The following ROR1 variants were observed in gnomAD, a reference collection of about 807,000 sequenced individuals.
ROR1 encodes ROR family WNT receptor 1, also known as inactive tyrosine-protein kinase transmembrane receptor ROR1.
Under a neutral mutation model 78.8 loss-of-function variants are expected in ROR1, and 19 were observed. The observed-to-expected ratio is 0.24, with a 90% CI of 0.17 to 0.35. The LOEUF is 0.35. Among genes scored for constraint, ROR1 ranks in the 10% least tolerant of loss-of-function variants. The probability of loss-of-function intolerance (pLI) is 1.00; values close to 1 mark genes in which losing one functional copy is unlikely to be tolerated. For synonymous variants in ROR1, 386 were observed against 433.6 expected (o/e 0.89, Z 1.36); for missense variants, 917 against 1,177.8 (o/e 0.78, Z 3.24).
chr1:63,911,540 T>C (rs768451504), intron 1 of ROR1, among the ~76,000 whole-genome samples: 41 of 152,104 alleles, frequency 2.7e-4, no homozygotes, highest in African/African-American at 9.4e-4. Context: ...ATCTAACTAA[T>C]GCCTGATGAT....
At chr1:63,812,529 A>G (rs369268743) in intron 1 of ROR1, among the ~76,000 whole-genome samples, 13 of 151,656 alleles carry the variant, frequency 8.6e-5, no homozygotes, top group Admixed American at 3.9e-4. Context: ...TGAATGAATG[A>G]ATGGATGAAT....
At chr1:63,787,075 G>C (rs779125047) in intron 1 of ROR1, among the ~76,000 whole-genome samples, 11 of 152,170 alleles carry the variant, frequency 7.2e-5, no homozygotes, top group Admixed American at 3.3e-4. Flanking sequence ...TGCCTATCTT[G>C]AAGCCTCCAG....
At chr1:63,929,613 A>G (rs1286206877) in intron 1 of ROR1, among the ~76,000 whole-genome samples, 1 of 152,228 alleles carries the variant, frequency 6.6e-6, no homozygotes, top group African/African-American at 2.4e-5. Flanking sequence ...TTGGGGATGC[A>G]GTGTATGCTT....
chr1:63,935,374 G>A (rs1261388791), intron 1 of ROR1, among the ~76,000 whole-genome samples: 1 of 152,208 alleles, frequency 6.6e-6, no homozygotes, highest in Non-Finnish European at 1.5e-5. Flanking sequence ...AGAGGGCACA[G>A]CCTGTGCCAA....
chr1:64,157,279 A>G (rs2100727967), intron 7 of ROR1, among the ~76,000 whole-genome samples: 1 of 152,236 alleles, frequency 6.6e-6, no homozygotes. Flanking sequence ...CCAGGACTAC[A>G]GACATGCACC....
chr1:63,822,922 T>C (rs918786627), intron 1 of ROR1, among the ~76,000 whole-genome samples: 3 of 152,208 alleles, frequency 2.0e-5, no homozygotes, highest in Non-Finnish European at 4.4e-5. Flanking sequence ...TACACAATCA[T>C]TGTGGCTACC....
chr1:63,863,213 G>T (rs759490391), intron 1 of ROR1, among the ~76,000 whole-genome samples: 3 of 152,194 alleles, frequency 2.0e-5, no homozygotes, highest in Non-Finnish European at 4.4e-5. Context: ...CTTAGTAGAA[G>T]CAAAGAACAC....
At chr1:64,036,450 C>A (rs1027554472) in intron 2 of ROR1, among the ~76,000 whole-genome samples, 9 of 152,172 alleles carry the variant, frequency 5.9e-5, no homozygotes, top group African/African-American at 2.2e-4. Flanking sequence ...ACGATCACAG[C>A]GAGTTCATCC....
intron 1 of ROR1, among the ~76,000 whole-genome samples, chr1:64,004,617 GGGATACA>G (rs1646413445): frequency 1.3e-5 from 2 of 152,300 alleles, no homozygotes; most frequent in South Asian, 2.1e-4. Context: ...CACTGAATCG[GGGATACA>G]GGATGTGGCA....
chr1:64,039,253 C>G (rs1569602326), intron 2 of ROR1, among the ~76,000 whole-genome samples: 1 of 152,162 alleles, frequency 6.6e-6, no homozygotes. Flanking sequence ...TCTGGGAAAA[C>G]ATGAAACTGG....
intron 1 of ROR1, chr1:63,788,888 C>T: frequency 1.1e-6 from 1 of 885,380 alleles, no homozygotes; most frequent in Non-Finnish European, 1.8e-6. Context: ...TGGATGTGTT[C>T]CATGAGAATC....
At chr1:63,836,982 T>C (rs1335575247) in intron 1 of ROR1, among the ~76,000 whole-genome samples, 1 of 152,186 alleles carries the variant, frequency 6.6e-6, no homozygotes, top group African/African-American at 2.4e-5. Context: ...ATCGGTTCCC[T>C]GTCTTGGATG....
intron 1 of ROR1, among the ~76,000 whole-genome samples, chr1:63,830,326 C>G (rs189781310): frequency 3.3e-4 from 51 of 152,274 alleles, no homozygotes; most frequent in South Asian, 4.1e-4. Flanking sequence ...CCTTACACTG[C>G]TATAAAGAAC....
intron 1 of ROR1, among the ~76,000 whole-genome samples, chr1:63,926,401 T>G (rs1480997741): frequency 6.6e-6 from 1 of 152,008 alleles, no homozygotes; most frequent in African/African-American, 2.4e-5. Flanking sequence ...AGTACCATGC[T>G]GTTACTGTAG....
intron 4 of ROR1, among the ~76,000 whole-genome samples, chr1:64,057,567 T>A (rs1646885076): frequency 6.6e-6 from 1 of 152,162 alleles, no homozygotes; most frequent in African/African-American, 2.4e-5. Flanking sequence ...CAGGTAGAAT[T>A]TCTTCTTCCT....
At chr1:64,034,018 G>A (rs537201901) in intron 2 of ROR1, among the ~76,000 whole-genome samples, 48 of 152,104 alleles carry the variant, frequency 3.2e-4, no homozygotes, top group Non-Finnish European at 6.2e-4. Flanking sequence ...TGTTAGTTAC[G>A]TCATTCAGGC....
chr1:64,095,537 G>C (rs1388408651), intron 4 of ROR1, among the ~76,000 whole-genome samples: 3 of 152,142 alleles, frequency 2.0e-5, no homozygotes, highest in Non-Finnish European at 2.9e-5. Flanking sequence ...GACCAGGAAA[G>C]TCATAGGGGA....
At chr1:63,975,305 C>A (rs1039260959) in intron 1 of ROR1, among the ~76,000 whole-genome samples, 7 of 152,072 alleles carry the variant, frequency 4.6e-5, no homozygotes, top group African/African-American at 1.7e-4. Context: ...TACTATAGTT[C>A]GATGGTACGA....
chr1:63,921,462 A>C (rs923874080), intron 1 of ROR1, among the ~76,000 whole-genome samples: 4 of 152,054 alleles, frequency 2.6e-5, no homozygotes, highest in African/African-American at 9.7e-5. Context: ...TCACTTTCAC[A>C]CCAGAAGAGG....
Sources: gnomAD v4.1 joint callset for allele counts (sites outside exome capture counted in the v4.1 genomes callset) on GRCh38, gnomAD v4.1.1 for gene constraint, MANE v1.5 for transcripts, NCBI Gene and HGNC (gene_info 2026-07-23, HGNC 2026-07-21) for gene names.